The following MR1 variants were observed in gnomAD, a reference collection of about 807,000 sequenced individuals.
MR1 encodes the protein major histocompatibility complex class I-related protein 1.
A neutral mutation model predicts 37.8 loss-of-function variants in MR1; 44 were observed. That is an observed-to-expected ratio of 1.16 (90% CI 0.91 to 1.50). The LOEUF (loss-of-function observed/expected upper bound fraction) is 1.50, where lower values mean the gene tolerates loss of function less well. MR1 is among the 40% of genes most tolerant of loss of function. The pLI is 0.00. For synonymous variants in MR1, 153 were observed against 155.8 expected, an observed-to-expected ratio of 0.98 and a Z score of 0.13; for missense variants, 386 against 419.1, an observed-to-expected ratio of 0.92 and a Z score of 0.69.
In MR1 at chr1:181,049,304, A is replaced by G. The variant is rs752412875; in HGVS notation, c.320A>G (p.Asn107Ser). Residue 107 changes from asparagine (N) to serine (S), a missense_variant, in exon 2 of 6, where the codon AAT becomes AGT. Physicochemically the swap from Asn to Ser is conservative, Grantham distance 46. Transcript: ENST00000367580. Reference sequence around the variant, plus strand: ...CTGAAGCGCCTACAGAGGCACTACAATCACTCAGGTGTGCATGCGGCAGAG... The same window carrying G: ...CTGAAGCGCCTACAGAGGCACTACAGTCACTCAGGTGTGCATGCGGCAGAG... ...VELKRLQRHY[N>S]HSGSHTYQRM... 29 of 1,613,352 alleles carry G rather than the reference A, an allele frequency of 1.8e-5. No individual in the cohort carries two copies. Among genetic ancestry groups the G allele is most frequent in the South Asian group, 1.4e-4 (13 of 90,986 alleles).
At chr1:181,043,670 C>T (rs1657690183) in intron 1 of MR1, among the ~76,000 whole-genome samples, 1 of 152,162 alleles carries the variant, frequency 6.6e-6, no homozygotes. Context: ...CCGCTGCACT[C>T]CAGCTGGGCA....
intron 5 of MR1, among the ~76,000 whole-genome samples, chr1:181,054,881 A>T (rs1281040759): frequency 7.2e-5 from 11 of 152,038 alleles, no homozygotes; most frequent in Non-Finnish European, 1.5e-5. Flanking sequence ...AAAAGAAAAG[A>T]AAAGAAAAGA....
chr1:181,044,544 C>G (rs914841253), intron 1 of MR1, among the ~76,000 whole-genome samples: 1 of 152,164 alleles, frequency 6.6e-6, no homozygotes, highest in East Asian at 1.9e-4. Context: ...ACATCCTTTC[C>G]CACAGAGCGA....
intron 1 of MR1, among the ~76,000 whole-genome samples, chr1:181,048,412 G>A (rs113922712): frequency 0.051 from 7,677 of 151,392 alleles, 650 homozygotes; most frequent in African/African-American, 0.18. Flanking sequence ...GTGTGTGCCT[G>A]TAATCTCAGC....
chr1:181,052,708 C>T (rs987572907), intron 4 of MR1, among the ~76,000 whole-genome samples, 198 bp downstream of exon 4: 1 of 152,172 alleles, frequency 6.6e-6, no homozygotes, highest in Non-Finnish European at 1.5e-5. Flanking sequence ...TTGAGGACCC[C>T]AGAGAGCTTT....
At position 181,052,316 on chromosome 1, in the gene MR1, C is replaced by G. The variant is rs767743878; in HGVS notation, c.686C>G (p.Pro229Arg). 1.5e-5 allele frequency: 24 copies of G among 1,614,158 alleles called. No homozygotes were observed. The South Asian group carries it at 2.6e-4, about 18-fold the overall frequency. The change falls in exon 4 of 6, where the codon CCC becomes CGC. Residue 229 changes from proline (P) to arginine (R), a missense_variant. Transcript: ENST00000367580. ...TTCTGCAAAGCTCATGGCTTTTACC[C>G]CCCAGAAATTTACATGACATGGATG... ...ALFCKAHGFYPPEIYMTWMKN... is the reference protein window; with the variant it reads ...ALFCKAHGFYRPEIYMTWMKN...
chr1:181,055,386 G>C lies in MR1; in HGVS notation c.*121G>C. 1 of 853,144 alleles carries C rather than the reference G, an allele frequency of 1.2e-6. No individual in the cohort carries two copies. The highest frequency in any genetic ancestry group is 1.9e-6 in the Non-Finnish European group (1 of 525,186). 52.8% of individuals were successfully genotyped at this position (853,144 alleles called of 1,614,324 possible). ...CACCCACAACATACATGAGAGTAAT[G>C]GGATTGAGCATTTATGGCAGCAACA... On this transcript the variant is annotated 3_prime_UTR_variant, in exon 6 of 6. Coordinates refer to ENST00000367580, the MANE Select transcript of MR1 (RefSeq NM_001385161.1).
chr1:181,037,240 G>T (rs963201774), intron 1 of MR1: 1 of 152,152 alleles, frequency 6.6e-6, no homozygotes, highest in East Asian at 1.9e-4. Context: ...CTGCCAACTG[G>T]GTTACTGTTA....
chr1:181,039,598 G>T (rs1036392467), intron 1 of MR1, among the ~76,000 whole-genome samples: 3 of 152,156 alleles, frequency 2.0e-5, no homozygotes, highest in African/African-American at 7.2e-5. Context: ...GGGCGCGGTG[G>T]CTCACGCCTG....
At chr1:181,049,356 A>C in intron 2 of MR1, 44 bp downstream of exon 2, 1 of 1,572,142 alleles carries the variant, frequency 6.4e-7, no homozygotes, top group Non-Finnish European at 8.6e-7. Context: ...TCCCACCCCA[A>C]CCCGCAGAGA....
At chr1:181,047,867 T>C (rs1325434803) in intron 1 of MR1, among the ~76,000 whole-genome samples, 1 of 151,726 alleles carries the variant, frequency 6.6e-6, no homozygotes, top group Non-Finnish European at 1.5e-5. Flanking sequence ...GCCACTGCAC[T>C]CCAGCCTGGG....
intron 1 of MR1, 74 bp from the exon 2 acceptor site, chr1:181,048,978 G>A: frequency 1.3e-6 from 2 of 1,551,110 alleles, no homozygotes; most frequent in Non-Finnish European, 1.8e-6. Flanking sequence ...ACTCGTGTGG[G>A]GCTAAATGAA....
intron 4 of MR1, 33 bp downstream of exon 4, chr1:181,052,543 G>C: frequency 6.3e-7 from 1 of 1,597,254 alleles, no homozygotes; most frequent in Admixed American, 1.7e-5. Flanking sequence ...TCTAGGGAGA[G>C]AGCCTGGAGA....
chr1:181,048,960 T>C (rs2236412), intron 1 of MR1, 92 bp from the exon 2 acceptor site: 109,414 of 1,493,130 alleles, frequency 0.073, 4,343 homozygotes, highest in Middle Eastern at 0.092. Context: ...TACAGCTGAG[T>C]AGGGAGCACT....
chr1:181,041,250 G>A (rs1170924597), intron 1 of MR1, among the ~76,000 whole-genome samples: 1 of 152,202 alleles, frequency 6.6e-6, no homozygotes, highest in Non-Finnish European at 1.5e-5. Flanking sequence ...TACATGAATT[G>A]TAAATATTAT....
chr1:181,049,495 C>G (rs1658161661), intron 2 of MR1, 183 bp downstream of exon 2: 6 of 686,832 alleles, frequency 8.7e-6, no homozygotes, highest in Admixed American at 3.0e-5. Flanking sequence ...CTGTCCCTCT[C>G]TCCCCCAGGA....
chr1:181,036,556 G>C (rs1558110749), intron 1 of MR1, among the ~76,000 whole-genome samples: 1 of 152,180 alleles, frequency 6.6e-6, no homozygotes, highest in South Asian at 2.1e-4. Flanking sequence ...AAGAGATACT[G>C]CAGGGTTGTG....
In MR1 at chr1:181,049,172, G is replaced by A. The variant is rs3897433; in HGVS notation, c.188G>A (p.Arg63Gln). ...ATCACCACATATGACAGTGTCACTC[G>A]GCAGAAGGAGCCACGGGCCCCATGG... is the stretch of plus-strand genomic sequence containing the variant. ...HPITTYDSVT[R>Q]QKEPRAPWMA... is the part of the protein sequence containing the mutation. Residue 63 changes from arginine (R) to glutamine (Q), a missense_variant, in exon 2 of 6, where the codon CGG becomes CAG. Arg to Gln is a conservative substitution (Grantham distance 43). Coordinates refer to ENST00000367580, the MANE Select transcript of MR1 (RefSeq NM_001385161.1). The A allele has an allele frequency of 4.7e-4, 754 of 1,614,182 alleles. 1 individual carries two copies. The highest frequency in any genetic ancestry group is 6.2e-4 in the East Asian group (28 of 44,888).
intron 1 of MR1, among the ~76,000 whole-genome samples, chr1:181,042,233 G>C (rs1405734890): frequency 7.3e-6 from 1 of 137,292 alleles, no homozygotes; most frequent in Admixed American, 7.7e-5. Context: ...ATGGAGTCTC[G>C]CTCTTGTTGC....
Sources: gnomAD v4.1 joint callset for allele counts (sites outside exome capture counted in the v4.1 genomes callset) on GRCh38, gnomAD v4.1.1 for gene constraint, MANE v1.5 for transcripts, NCBI Gene and HGNC (gene_info 2026-07-23, HGNC 2026-07-21) for gene names.